Variants in GATA4 observed in about 807,000 individuals in gnomAD.
GATA4 encodes GATA binding protein 4, also known as transcription factor GATA-4.
GATA4 carries 7 observed loss-of-function variants against 37.9 expected under a neutral mutation model. The ratio of observed to expected loss-of-function variants is 0.18; its 90% CI spans 0.11 to 0.35. The LOEUF is 0.35. Among genes scored for constraint, GATA4 ranks in the 10% least tolerant of loss-of-function variants. GATA4 has a pLI of 1.00. For missense variants in GATA4, 647 were observed against 653.0 expected, an observed-to-expected ratio of 0.99 and a Z score of 0.10; for synonymous variants, 372 against 292.6, an observed-to-expected ratio of 1.27 and a Z score of -2.77.
chr8:11,746,458 C>T (rs1306003977), intron 2 of GATA4, among the ~76,000 whole-genome samples: 1 of 152,126 alleles, frequency 6.6e-6, no homozygotes, highest in Non-Finnish European at 1.5e-5. Context: ...CCTCTATGTC[C>T]AAGTGCGATT....
intron 4 of GATA4, among the ~76,000 whole-genome samples, chr8:11,751,429 G>A (rs1469057973): frequency 3.3e-5 from 5 of 152,298 alleles, no homozygotes; most frequent in African/African-American, 4.8e-5. Flanking sequence ...GCATATATAC[G>A]TACATGGGGT....
rs1430153914 is a variant in GATA4, at chr8:11,749,361, T to C, written c.786+276T>C. Reference sequence around the variant, plus strand: ...AGCCACTCAGGTACTGAGTCTCCCATCTAGAACTCTGGAACCAGAATCCAG... The same window carrying C: ...AGCCACTCAGGTACTGAGTCTCCCACCTAGAACTCTGGAACCAGAATCCAG... On this transcript the variant is annotated intron_variant, in intron 3 of 6. Coordinates refer to ENST00000532059, the MANE Select transcript of GATA4 (RefSeq NM_001308093.3). The surrounding 1 kb of genome is among the most constrained non-coding windows in gnomAD (Gnocchi z 4.6). 6.6e-6 allele frequency among the ~76,000 whole-genome samples: 1 copy of C among 152,152 alleles called. No homozygotes were observed. The highest frequency in any genetic ancestry group is 2.4e-5 in the African/African-American group (1 of 41,432).
intron 1 of GATA4, among the ~76,000 whole-genome samples, chr8:11,687,460 G>A (rs551745208): frequency 6.6e-6 from 1 of 152,264 alleles, no homozygotes; most frequent in East Asian, 1.9e-4. Context: ...TCAAACTGCT[G>A]AACCAAACAG....
chr8:11,687,122 G>A (rs959797214), intron 1 of GATA4, among the ~76,000 whole-genome samples: 3 of 152,158 alleles, frequency 2.0e-5, no homozygotes, highest in African/African-American at 7.2e-5. Context: ...TCCAAAGCAA[G>A]AGATGTGAGA....
At chr8:11,750,565 C>G (rs1297523615) in intron 4 of GATA4, among the ~76,000 whole-genome samples, 1 of 152,034 alleles carries the variant, frequency 6.6e-6, no homozygotes, top group African/African-American at 2.4e-5. Context: ...GAAAGCATGA[C>G]CTCTACCTCC....
chr8:11,758,735 C>G lies in GATA4; in HGVS notation c.*260C>G. 3.8e-6 allele frequency: 2 copies of G among 531,096 alleles called. No homozygotes were observed. Among genetic ancestry groups the G allele is most frequent in the Non-Finnish European group, 6.8e-6 (2 of 293,214 alleles). 32.9% of individuals were successfully genotyped at this position (531,096 alleles called of 1,614,324 possible). ...CTGCATCTCTCCTGTGAGTTGGAGA[C>G]TTCTTTCCCAAGATGTCCTTGTCCC... On this transcript the variant is annotated 3_prime_UTR_variant, in exon 7 of 7. Transcript: ENST00000532059.
rs1802160167 is a variant in GATA4, at chr8:11,748,928, A to G, written c.629A>G (p.Asp210Gly). 6.2e-7 allele frequency: 1 copy of G among 1,614,084 alleles called. No individual in the cohort carries two copies. Among genetic ancestry groups the G allele is most frequent in the Admixed American group, 1.7e-5 (1 of 60,004 alleles). The change falls in exon 3 of 7, where the codon GAC (aspartate) becomes GGC (glycine). Residue 210 changes from aspartate to glycine, a missense_variant. This residue lies in a region of GATA4 where 379 missense variants were observed against 334.5 expected (regional missense o/e 1.13). Coordinates refer to ENST00000532059, the MANE Select transcript of GATA4 (RefSeq NM_001308093.3). ...ARHPNLVDMFDDFSEGRECVN... is the reference protein window; with the variant it reads ...ARHPNLVDMFGDFSEGRECVN... The stretch of plus-strand genomic sequence containing the variant: ...CCCCCCAACTCAGTAGATATGTTTG[A>G]CGACTTCTCAGAAGGCAGAGAGTGT...
chr8:11,743,089 G>C (rs879893921), intron 2 of GATA4, among the ~76,000 whole-genome samples: 1 of 152,216 alleles, frequency 6.6e-6, no homozygotes, highest in South Asian at 2.1e-4. Context: ...CACTGTTGAC[G>C]TGTCTCTCCC....
In GATA4 at chr8:11,759,990, G is replaced by C. The variant is rs1395569995; in HGVS notation, c.*1515G>C. 6.6e-6 allele frequency: 1 copy of C among 152,652 alleles called. No homozygotes were observed. Among genetic ancestry groups the C allele is most frequent in the Non-Finnish European group, 1.5e-5 (1 of 68,048 alleles). The allele number at this position is 152,652 out of a possible 1,614,324, so 9.5% of individuals were successfully genotyped here. On this transcript the variant is annotated 3_prime_UTR_variant, in exon 7 of 7. Coordinates refer to ENST00000532059, the MANE Select transcript of GATA4 (RefSeq NM_001308093.3). ...CAGTATTTAACTAATAAATTTATCT[G>C]TATTCCTCTTTCCCTCGTCCCTTAG...
intron 1 of GATA4, chr8:11,680,378 C>G (rs1798918616): frequency 1.6e-6 from 1 of 641,868 alleles, no homozygotes; most frequent in Admixed American, 6.3e-5. Flanking sequence ...AACCAGGCCC[C>G]TCGGATTCAT....
chr8:11,696,568 T>A (rs965751725), intron 1 of GATA4, among the ~76,000 whole-genome samples: 2 of 152,184 alleles, frequency 1.3e-5, no homozygotes, highest in African/African-American at 4.8e-5. Flanking sequence ...AGCTGTAGGT[T>A]TTGAAAATAA....
chr8:11,704,988 C>T (rs1474528137), intron 1 of GATA4, among the ~76,000 whole-genome samples: 1 of 152,252 alleles, frequency 6.6e-6, no homozygotes. Flanking sequence ...CCGTGACTTC[C>T]CTCCGCCGGC....
intron 1 of GATA4, among the ~76,000 whole-genome samples, chr8:11,698,741 C>A (rs1247643088): frequency 6.6e-6 from 1 of 152,212 alleles, no homozygotes; most frequent in Non-Finnish European, 1.5e-5. Context: ...CCCAGCTCAA[C>A]TTCCCAAATC....
intron 2 of GATA4, among the ~76,000 whole-genome samples, chr8:11,714,513 C>T (rs1800351804): frequency 6.6e-6 from 1 of 152,196 alleles, no homozygotes; most frequent in East Asian, 1.9e-4. Context: ...TTCAGGAAAA[C>T]CAAAGTTGTT....
At chr8:11,724,148 T>C (rs1017679263) in intron 2 of GATA4, among the ~76,000 whole-genome samples, 1 of 152,206 alleles carries the variant, frequency 6.6e-6, no homozygotes, top group African/African-American at 2.4e-5. Context: ...CATGTCTTTT[T>C]TTTTTAAGGC....
intron 4 of GATA4, among the ~76,000 whole-genome samples, chr8:11,750,913 C>G (rs1802273913): frequency 6.6e-6 from 1 of 151,542 alleles, no homozygotes; most frequent in African/African-American, 2.4e-5. Context: ...TCCCACTGCA[C>G]TCCAGCCTGA....
At chr8:11,711,385 GCT>G in intron 2 of GATA4, among the ~76,000 whole-genome samples, 1 of 152,322 alleles carries the variant, frequency 6.6e-6, no homozygotes, top group South Asian at 2.1e-4. Context: ...GAGAGGTGCG[GCT>G]CTCTGTGAGG....
chr8:11,729,345 G>A (rs1485290370), intron 2 of GATA4, among the ~76,000 whole-genome samples: 28 of 152,058 alleles, frequency 1.8e-4, no homozygotes, highest in Admixed American at 1.6e-3. Context: ...CAGGGTGAAC[G>A]GATCACGAGG....
rs559397284 is a variant in GATA4, at chr8:11,749,825, C to A, written c.787-286C>A. On this transcript the variant is annotated intron_variant, in intron 3 of 6. Coordinates refer to ENST00000532059, the MANE Select transcript of GATA4 (RefSeq NM_001308093.3). This position sits in a 1 kb window ranked among gnomAD's most constrained non-coding sequence, Gnocchi z 4.6. ...TTTCCTGCCGGCAGTGCCCGGCGCT[C>A]ACTGGTTATTCGCCTGACGGTGAAT... 6.6e-6 allele frequency among the ~76,000 whole-genome samples: 1 copy of A among 152,354 alleles called. No homozygotes were observed. Among genetic ancestry groups the A allele is most frequent in the Non-Finnish European group, 1.5e-5 (1 of 68,024 alleles).
Sources: allele counts gnomAD v4.1 joint callset (sites outside exome capture counted in the v4.1 genomes callset), GRCh38; gene constraint gnomAD v4.1.1; regional missense constraint gnomAD v4.1.1; non-coding constraint Gnocchi (gnomAD v3.1); transcripts MANE v1.5; gene names NCBI Gene and HGNC (gene_info 2026-07-23, HGNC 2026-07-21).